TLE4: variants seen among roughly 807,000 people sequenced by gnomAD.
TLE4 encodes transducin-like enhancer protein 4.
A neutral mutation model predicts 92.8 loss-of-function variants in TLE4; 8 were observed. That is an observed-to-expected ratio of 0.09 (90% CI 0.05 to 0.16). The LOEUF (loss-of-function observed/expected upper bound fraction) is 0.16. Among genes scored for constraint, TLE4 ranks in the 10% least tolerant of loss-of-function variants. The probability of loss-of-function intolerance (pLI) is 1.00; values close to 1 mark genes in which losing one functional copy is unlikely to be tolerated. For synonymous variants in TLE4, 371 were observed against 374.1 expected, an observed-to-expected ratio of 0.99 and a Z score of 0.10; for missense variants, 675 against 997.6, an observed-to-expected ratio of 0.68 and a Z score of 4.36.
intron 2 of TLE4, chr9:79,574,042 A>G (rs539776129): frequency 7.3e-6 from 2 of 274,908 alleles, no homozygotes; most frequent in Admixed American, 5.2e-5. Context: ...GCTGAGGCCA[A>G]ACTTTCGATA....
chr9:79,589,557 T>G (rs1346490806), intron 4 of TLE4, among the ~76,000 whole-genome samples: 1 of 152,056 alleles, frequency 6.6e-6, no homozygotes, highest in Non-Finnish European at 1.5e-5. Context: ...CAGAAGACAT[T>G]TTCAGTGGAG....
chr9:79,604,654 C>T (rs1014029141), intron 4 of TLE4, among the ~76,000 whole-genome samples: 2 of 152,076 alleles, frequency 1.3e-5, no homozygotes, highest in African/African-American at 2.4e-5. Flanking sequence ...GAAGCTTTAG[C>T]CTCGCCTGAG....
At chr9:79,594,947 T>C (rs2043586816) in intron 4 of TLE4, among the ~76,000 whole-genome samples, 1 of 152,200 alleles carries the variant, frequency 6.6e-6, no homozygotes, top group Admixed American at 6.5e-5. Flanking sequence ...ACTTGGCAAT[T>C]GTTTTTAGAA....
chr9:79,572,820 G>T lies in TLE4; in HGVS notation c.30G>T (p.Pro10=). MIRDLSKMY[P]QTRHPAPHQP... ...TTCGCGACCTGAGCAAGATGTACCC[G>T]CAGACCAGACACCCAGTGAGTGCGG... The change falls in exon 1 of 20, where the codon CCG becomes CCT. Residue 10 remains proline (P), a synonymous_variant. Coordinates refer to ENST00000376552, the MANE Select transcript of TLE4 (RefSeq NM_007005.6). The T allele has an allele frequency of 6.2e-7, 1 of 1,600,140 alleles. No homozygotes were observed. The highest frequency in any genetic ancestry group is 8.5e-7 in the Non-Finnish European group (1 of 1,174,096).
chr9:79,638,643 G>A (rs747582892), intron 6 of TLE4, among the ~76,000 whole-genome samples: 1 of 152,026 alleles, frequency 6.6e-6, no homozygotes, highest in Non-Finnish European at 1.5e-5. Flanking sequence ...CTATGGTCCC[G>A]AAGCAAAGTG....
intron 4 of TLE4, among the ~76,000 whole-genome samples, chr9:79,598,096 A>AG (rs1481806464): frequency 2.0e-5 from 3 of 150,374 alleles, no homozygotes; most frequent in African/African-American, 7.4e-5. Flanking sequence ...AAAAAAAAAA[A>AG]AACTTACCCA....
In TLE4 at chr9:79,595,601, C is replaced by G. The variant is rs2043756769; in HGVS notation, c.253-17055C>G. 2.0e-5 allele frequency among the ~76,000 whole-genome samples: 3 copies of G among 151,684 alleles called. No individual in the cohort carries two copies. In the South Asian group the frequency reaches 6.3e-4, roughly 32 times the overall value. ...AAAGTAGAAGTTCATAAAATGTAGC[C>G]TAAAAAATAAAAAAGTAAATTTAAA... is the stretch of plus-strand genomic sequence containing the variant. On this transcript the variant is annotated intron_variant, in intron 4 of 19. Transcript: ENST00000376552.
chr9:79,705,788 CTCA>C (rs2071372412), intron 9 of TLE4, 98 bp from the exon 10 acceptor site: 11 of 1,164,628 alleles, frequency 9.4e-6, no homozygotes, highest in Non-Finnish European at 1.4e-5. Flanking sequence ...TTTGGTACAG[CTCA>C]TCTTTATAAG....
chr9:79,576,184 T>A lies in TLE4; in HGVS notation c.252+7T>A. 6.6e-7 allele frequency: 1 copy of A among 1,526,672 alleles called. No individual in the cohort carries two copies. The highest frequency in any genetic ancestry group is 8.9e-7 in the Non-Finnish European group (1 of 1,126,118). The allele number at this position is 1,526,672 out of a possible 1,614,324, so 94.6% of individuals were successfully genotyped here. ...TATAGAAATGCACAAGCAGGTAAGT[T>A]ATTTCTTTATAACCATTTTAAATGA... On this transcript the variant is annotated splice_region_variant and intron_variant, in intron 4 of 19. Coordinates refer to ENST00000376552, the MANE Select transcript of TLE4 (RefSeq NM_007005.6).
intron 4 of TLE4, among the ~76,000 whole-genome samples, chr9:79,599,084 A>G (rs1455253743): frequency 2.6e-5 from 4 of 152,208 alleles, no homozygotes; most frequent in African/African-American, 4.8e-5. Flanking sequence ...AACATTAAAT[A>G]TAATCAGTGC....
chr9:79,607,213 G>A (rs1017365523), intron 4 of TLE4, among the ~76,000 whole-genome samples: 43 of 152,056 alleles, frequency 2.8e-4, no homozygotes, highest in Admixed American at 2.6e-3. Context: ...ACTTTTTGAT[G>A]GGGTTGTTTG....
chr9:79,656,044 G>T (rs2059731690), intron 8 of TLE4, among the ~76,000 whole-genome samples: 1 of 152,212 alleles, frequency 6.6e-6, no homozygotes, highest in Non-Finnish European at 1.5e-5. Context: ...ATTTTGCCTT[G>T]ATTTATTATG....
chr9:79,592,818 A>G (rs1289725926), intron 4 of TLE4, among the ~76,000 whole-genome samples: 3 of 152,046 alleles, frequency 2.0e-5, no homozygotes, highest in Non-Finnish European at 4.4e-5. Flanking sequence ...GATATCAGTG[A>G]TTGTGTATCC....
chr9:79,689,213 T>G (rs2066520876), intron 8 of TLE4, among the ~76,000 whole-genome samples: 2 of 152,092 alleles, frequency 1.3e-5, no homozygotes, highest in Admixed American at 6.6e-5. Flanking sequence ...ATAGGGCGTA[T>G]GTAAGTGGAG....
rs968761826 is a variant in TLE4, at chr9:79,725,753, A to T, written c.*609A>T. ...ATTAGAACACAACAGGCCAACTCAT[A>T]CTCATTTGGATCTATTTAGACAACG... On this transcript the variant is annotated 3_prime_UTR_variant, in exon 20 of 20. Coordinates refer to ENST00000376552, the MANE Select transcript of TLE4 (RefSeq NM_007005.6). 3.3e-5 allele frequency: 5 copies of T among 152,630 alleles called. No homozygotes were observed. The highest frequency in any genetic ancestry group is 1.2e-4 in the African/African-American group (5 of 41,442). 9.5% of individuals were successfully genotyped at this position (152,630 alleles called of 1,614,324 possible). A position where few individuals can be genotyped will look rare whatever the true frequency, so the allele number is the denominator to read the frequency against.
chr9:79,596,395 C>T (rs1381394755), intron 4 of TLE4, among the ~76,000 whole-genome samples: 1 of 152,094 alleles, frequency 6.6e-6, no homozygotes, highest in East Asian at 1.9e-4. Flanking sequence ...AACATAAATA[C>T]TGAGAATGTC....
At chr9:79,667,527 A>C (rs569727700) in intron 8 of TLE4, among the ~76,000 whole-genome samples, 29 of 152,326 alleles carry the variant, frequency 1.9e-4, no homozygotes, top group African/African-American at 7.0e-4. Context: ...TATGTATATA[A>C]AACATTAAAG....
chr9:79,597,179 T>A (rs2791574), intron 4 of TLE4, among the ~76,000 whole-genome samples: 1 of 151,910 alleles, frequency 6.6e-6, no homozygotes, highest in African/African-American at 2.4e-5. Context: ...CTTTCCTTGC[T>A]CTCACCACGG....
At chr9:79,724,502 C>T (rs897186592) in intron 19 of TLE4, among the ~76,000 whole-genome samples, 1 of 152,128 alleles carries the variant, frequency 6.6e-6, no homozygotes, top group Non-Finnish European at 1.5e-5. Context: ...AGCCTCCTGA[C>T]TGACCTGGTG....
Sources: allele counts gnomAD v4.1 joint callset (sites outside exome capture counted in the v4.1 genomes callset), GRCh38; gene constraint gnomAD v4.1.1; transcripts MANE v1.5; gene names NCBI Gene and HGNC (gene_info 2026-07-23, HGNC 2026-07-21).